The following XDH variants were observed in gnomAD, a reference collection of about 807,000 sequenced individuals.
XDH encodes the protein xanthine dehydrogenase/oxidase.
Under a neutral mutation model 156.1 loss-of-function variants are expected in XDH, and 138 were observed. That is an observed-to-expected ratio of 0.88 (90% confidence interval 0.77 to 1.02). The LOEUF is 1.02. Among genes scored for constraint, XDH ranks in the 50% least tolerant of loss-of-function variants. The pLI is 0.00. For synonymous variants in XDH, 669 were observed against 625.7 expected, an observed-to-expected ratio of 1.07 and a Z score of -1.03; for missense variants, 1,849 against 1,684.9, an observed-to-expected ratio of 1.10 and a Z score of -1.71.
chr2:31,375,283 G>T, intron 15 of XDH, 97 bp downstream of exon 15: 1 of 1,488,268 alleles, frequency 6.7e-7, no homozygotes, highest in Non-Finnish European at 9.4e-7. Context: ...TCTGCCCTCA[G>T]ATGTCCAGAG....
intron 1 of XDH, among the ~76,000 whole-genome samples, chr2:31,411,137 G>A (rs1400127803): frequency 6.6e-6 from 1 of 151,890 alleles, no homozygotes; most frequent in African/African-American, 2.4e-5. Flanking sequence ...CAAAAACTTA[G>A]CCAGGCACGG....
chr2:31,371,509 A>T (rs528246412), intron 17 of XDH, among the ~76,000 whole-genome samples: 1 of 152,326 alleles, frequency 6.6e-6, no homozygotes, highest in South Asian at 2.1e-4. Flanking sequence ...CAGTTACAAC[A>T]ATGTCAACCC....
intron 14 of XDH, among the ~76,000 whole-genome samples, chr2:31,376,363 A>G (rs946802390): frequency 2.7e-5 from 4 of 149,858 alleles, no homozygotes; most frequent in African/African-American, 4.9e-5. Flanking sequence ...TAGCACCAGC[A>G]GCATCAATAA....
In XDH at chr2:31,336,017, G is replaced by T. The variant is rs758286447; in HGVS notation, c.3952-9C>A. On this transcript the variant is annotated splice_polypyrimidine_tract_variant and intron_variant, in intron 35 of 35. Transcript: ENST00000379416. ...GGGACACCAGTGACACACTAGGAAG[G>T]AATGATAGTGTTCTCATTGCCAGGG... 8.1e-6 allele frequency: 13 copies of T among 1,614,032 alleles called. No individual in the cohort carries two copies. The highest frequency in any genetic ancestry group is 1.0e-5 in the Non-Finnish European group (12 of 1,179,904).
In XDH at chr2:31,337,745, G is replaced by A. The variant is rs751921838; in HGVS notation, c.3847C>T (p.Arg1283Ter). ...ACGTTATTACCTGTGTGCTGAGCTC[G>A]AGCTGCACGGATGGCATCTTTGATG... Reference protein sequence around the residue: ...FAIKDAIRAARAQHTGNNVKE... With the variant: ...FAIKDAIRAA Residue 1283 changes from arginine to a stop codon, truncating the protein, a stop_gained, in exon 35 of 36, where the codon CGA becomes TGA. Coordinates refer to ENST00000379416, the MANE Select transcript of XDH (RefSeq NM_000379.4). LOFTEE classifies it high-confidence loss of function. 17 of 1,614,096 alleles carry A rather than the reference G, an allele frequency of 1.1e-5. No individual in the cohort carries two copies. The highest frequency in any genetic ancestry group is 8.9e-5 in the East Asian group (4 of 44,894).
In XDH at chr2:31,378,170, G is replaced by GGAAA; in HGVS notation, c.1243-934_1243-933insTTTC. Among the ~76,000 whole-genome samples the GGAAA allele has an allele frequency of 5.8e-5, 5 of 85,784 alleles. 1 individual carries two copies. Among genetic ancestry groups the GGAAA allele is most frequent in the African/African-American group, 2.3e-4 (5 of 22,170 alleles). 56.3% of individuals were successfully genotyped at this position (85,784 alleles called of 152,430 possible). The stretch of plus-strand genomic sequence containing the variant: ...AGGAAGGAAGGAAGGAAGGAAGGAA[G>GGAAA]GAAGGAAGCAAGCAAGCAAGCAAAG... On this transcript the variant is annotated intron_variant, in intron 13 of 35. Coordinates refer to ENST00000379416, the MANE Select transcript of XDH (RefSeq NM_000379.4).
intron 31 of XDH, among the ~76,000 whole-genome samples, chr2:31,343,660 C>T (rs1685203039): frequency 7.0e-6 from 1 of 143,310 alleles, no homozygotes; most frequent in African/African-American, 2.6e-5. Flanking sequence ...TATGTTTATA[C>T]AGATATATGT....
Position 31,388,307 on chromosome 2 carries a change from A to C in XDH, c.496-12T>G. ...CAGCATCCACCATCCTAGAGAGATG[A>C]TGAACATCTGCACAAGGGTATTTAC... is the stretch of plus-strand genomic sequence containing the variant. On this transcript the variant is annotated splice_polypyrimidine_tract_variant and intron_variant, in intron 6 of 35. Coordinates refer to ENST00000379416, the MANE Select transcript of XDH (RefSeq NM_000379.4). The C allele has an allele frequency of 2.5e-6, 4 of 1,613,822 alleles. No individual in the cohort carries two copies. The highest frequency in any genetic ancestry group is 3.4e-6 in the Non-Finnish European group (4 of 1,179,692).
chr2:31,407,912 C>A (rs940281819), intron 1 of XDH, among the ~76,000 whole-genome samples: 1 of 152,132 alleles, frequency 6.6e-6, no homozygotes, highest in African/African-American at 2.4e-5. Flanking sequence ...TAGAAGTAAT[C>A]ATAAATGCAC....
At chr2:31,396,882 G>C (rs2217367) in intron 6 of XDH, among the ~76,000 whole-genome samples, 1 of 152,094 alleles carries the variant, frequency 6.6e-6, no homozygotes, top group African/African-American at 2.4e-5. Context: ...TGGATTATAC[G>C]ATTATACAGA....
In XDH at chr2:31,350,197, C is replaced by T. The variant is rs1685430010; in HGVS notation, c.2658G>A (p.Met886Ile). The change falls in exon 25 of 36, where the codon ATG becomes ATA. Residue 886 changes from methionine (M) to isoleucine (I), a missense_variant. Transcript: ENST00000379416. ...QSIMERALFH[M>I]DNCYKIPNIR... Reference sequence around the variant, plus strand: ...TGTTGGGGATTTTATAGCAGTTGTCCATGTGGAATAAAGCTCGTTCCATAA... The same window carrying T: ...TGTTGGGGATTTTATAGCAGTTGTCTATGTGGAATAAAGCTCGTTCCATAA... The T allele has an allele frequency of 3.1e-6, 5 of 1,614,084 alleles. No individual in the cohort carries two copies. Among genetic ancestry groups the T allele is most frequent in the Non-Finnish European group, 4.2e-6 (5 of 1,180,022 alleles).
At chr2:31,348,159 G>T in intron 28 of XDH, 109 bp downstream of exon 28, 1 of 1,109,774 alleles carries the variant, frequency 9.0e-7, no homozygotes, top group Non-Finnish European at 1.3e-6. Context: ...AAGCAACAGG[G>T]CCAGGGCCAG....
At chr2:31,374,183 C>G (rs1686160984) in intron 15 of XDH, among the ~76,000 whole-genome samples, 1 of 152,178 alleles carries the variant, frequency 6.6e-6, no homozygotes, top group South Asian at 2.1e-4. Flanking sequence ...ACCCTGTAGA[C>G]TGAATGGTCT....
chr2:31,372,616 G>A (rs1437410823), intron 16 of XDH, among the ~76,000 whole-genome samples: 1 of 152,192 alleles, frequency 6.6e-6, no homozygotes, highest in East Asian at 1.9e-4. Flanking sequence ...AGAAAAAGAA[G>A]AACCTACATT....
chr2:31,414,049 A>G (rs206811), intron 1 of XDH, among the ~76,000 whole-genome samples: 98,442 of 151,734 alleles, frequency 0.65, 32,426 homozygotes, highest in African/African-American at 0.73. Flanking sequence ...GGGGGAATGC[A>G]GGAGATGCCC....
rs746770781 is a variant in XDH, at chr2:31,364,227, A to G, written c.2562T>C (p.Thr854=). Residue 854 remains threonine, a synonymous_variant, in exon 24 of 36, where the codon ACT becomes ACC. Coordinates refer to ENST00000379416, the MANE Select transcript of XDH (RefSeq NM_000379.4). ...CCACCTCAAGAGCCACAACTGTCCC[A>G]GTCTTCATGAAGCCAACCTGATAAA... ...LARYKVGFMK[T]GTVVALEVDH... 7 of 1,614,212 alleles carry G rather than the reference A, an allele frequency of 4.3e-6. No homozygotes were observed. Among genetic ancestry groups the G allele is most frequent in the Non-Finnish European group, 5.9e-6 (7 of 1,180,032 alleles).
intron 6 of XDH, among the ~76,000 whole-genome samples, chr2:31,390,211 T>C (rs1324449806): frequency 1.3e-5 from 2 of 152,204 alleles, no homozygotes; most frequent in African/African-American, 4.8e-5. Context: ...CCACTAGTCT[T>C]TTTACTGCCT....
At chr2:31,412,070 A>G (rs1186563627) in intron 1 of XDH, among the ~76,000 whole-genome samples, 1 of 152,230 alleles carries the variant, frequency 6.6e-6, no homozygotes, top group Non-Finnish European at 1.5e-5. Flanking sequence ...CCAACCTGCC[A>G]GATCCTCCCA....
At chr2:31,403,705 T>C (rs1381810606) in intron 2 of XDH, among the ~76,000 whole-genome samples, 1 of 152,202 alleles carries the variant, frequency 6.6e-6, no homozygotes, top group Non-Finnish European at 1.5e-5. Context: ...GAAATTAAAA[T>C]AGAGTGGTTT....
Sources: allele counts gnomAD v4.1 joint callset (sites outside exome capture counted in the v4.1 genomes callset), GRCh38; gene constraint gnomAD v4.1.1; transcripts MANE v1.5; gene names NCBI Gene and HGNC (gene_info 2026-07-23, HGNC 2026-07-21).